Variants in DYM observed in about 807,000 individuals in gnomAD.
The protein encoded by DYM is dyggve-Melchior-Clausen syndrome protein.
In DYM, 78 loss-of-function variants were observed where a neutral mutation model predicts 93.1. That is an observed-to-expected ratio of 0.84 (90% confidence interval 0.70 to 1.01). DYM has a LOEUF of 1.01. Ranked by LOEUF, DYM falls within the 50% of genes least tolerant of loss-of-function variation. DYM has a pLI of 0.00. For missense variants in DYM, 789 were observed against 845.0 expected, an observed-to-expected ratio of 0.93 and a Z score of 0.82; for synonymous variants, 321 against 319.7, an observed-to-expected ratio of 1.00 and a Z score of -0.04.
chr18:49,286,162 C>G (rs2059649961), intron 9 of DYM, among the ~76,000 whole-genome samples: 1 of 152,074 alleles, frequency 6.6e-6, no homozygotes, highest in South Asian at 2.1e-4. Context: ...ATTCCTATCC[C>G]TAACAGGTAG....
intron 17 of DYM, among the ~76,000 whole-genome samples, chr18:49,070,548 T>G (rs1254502895): frequency 6.6e-6 from 1 of 152,220 alleles, no homozygotes; most frequent in Non-Finnish European, 1.5e-5. Flanking sequence ...AGTCTTCTTT[T>G]GCCTCCCAAG....
At chr18:49,444,204 G>A (rs1054142346) in intron 1 of DYM, among the ~76,000 whole-genome samples, 1 of 152,186 alleles carries the variant, frequency 6.6e-6, no homozygotes, top group Non-Finnish European at 1.5e-5. Flanking sequence ...GAACCGTAAT[G>A]TCACAGGTAA....
At chr18:49,059,672 G>C (rs1337095391) in intron 17 of DYM, among the ~76,000 whole-genome samples, 2 of 152,120 alleles carry the variant, frequency 1.3e-5, no homozygotes, top group Admixed American at 1.3e-4. Flanking sequence ...GTATGAGGGA[G>C]GGGGCTGTGC....
At chr18:49,263,765 T>C (rs1021305441) in intron 11 of DYM, among the ~76,000 whole-genome samples, 3 of 152,094 alleles carry the variant, frequency 2.0e-5, no homozygotes, top group Admixed American at 6.5e-5. Context: ...TTAACTGTGT[T>C]AACACACTAA....
At position 49,170,683 on chromosome 18, in the gene DYM, G is replaced by A. The variant is rs371135539; in HGVS notation, c.1626-6896C>T. ...TAATCCCAGCTACTCAGGAGGCTGA[G>A]GCAGGAGAATTCTTGAACCTGGGAG... On this transcript the variant is annotated intron_variant, in intron 14 of 17. Transcript: ENST00000675505. Among the ~76,000 whole-genome samples, 22 of 150,330 alleles carry A rather than the reference G, an allele frequency of 1.5e-4. No individual in the cohort carries two copies. The South Asian group carries it at 4.4e-3, about 30-fold the overall frequency.
chr18:49,442,676 C>T (rs2081749306), intron 1 of DYM, among the ~76,000 whole-genome samples: 1 of 150,192 alleles, frequency 6.7e-6, no homozygotes, highest in South Asian at 2.1e-4. Context: ...ACAATAATAC[C>T]AAACATGTAT....
chr18:49,277,557 T>G (rs1333741911), intron 10 of DYM, among the ~76,000 whole-genome samples: 1 of 152,058 alleles, frequency 6.6e-6, no homozygotes, highest in Non-Finnish European at 1.5e-5. Context: ...GGGAGGAGAT[T>G]AGGTAACAGG....
At chr18:49,162,300 T>C (rs2087249397) in intron 15 of DYM, among the ~76,000 whole-genome samples, 1 of 152,156 alleles carries the variant, frequency 6.6e-6, no homozygotes, top group East Asian at 1.9e-4. Flanking sequence ...AAGGAATTTA[T>C]ACAGTTATGG....
intron 16 of DYM, chr18:49,114,535 C>G (rs1227009119): frequency 4.1e-6 from 4 of 984,480 alleles, no homozygotes; most frequent in Admixed American, 1.2e-4. Context: ...TTCCTCACCT[C>G]CACTCTGCTT....
intron 2 of DYM, among the ~76,000 whole-genome samples, chr18:49,392,736 C>G (rs989523413): frequency 1.4e-5 from 2 of 141,700 alleles, no homozygotes; most frequent in African/African-American, 5.2e-5. Flanking sequence ...GGGCTCACAC[C>G]TGTAATCCCA....
At chr18:49,297,792 T>TA (rs2060651636) in intron 8 of DYM, among the ~76,000 whole-genome samples, 1 of 151,988 alleles carries the variant, frequency 6.6e-6, no homozygotes, top group Non-Finnish European at 1.5e-5. Flanking sequence ...CAATGTTTCC[T>TA]AAAACAAACA....
intron 8 of DYM, among the ~76,000 whole-genome samples, chr18:49,317,551 T>TTGTCTCTCTCTCTCTCTCTCTCTCTC: frequency 3.4e-5 from 1 of 29,370 alleles, no homozygotes; most frequent in Admixed American, 5.4e-4. Flanking sequence ...CCATCTAGAT[T>TTGTCTCTCTCTCTCTCTCTCTCTCTC]TCTCTCTCTC....
chr18:49,097,780 T>C (rs1269225172), intron 16 of DYM, among the ~76,000 whole-genome samples: 2 of 152,076 alleles, frequency 1.3e-5, no homozygotes, highest in Non-Finnish European at 2.9e-5. Flanking sequence ...CTGCCTGACC[T>C]TGCATTTATA....
At chr18:49,404,129 T>C (rs2071178294) in intron 2 of DYM, among the ~76,000 whole-genome samples, 1 of 152,114 alleles carries the variant, frequency 6.6e-6, no homozygotes, top group Non-Finnish European at 1.5e-5. Flanking sequence ...TGCCTCAGCC[T>C]CCTGAGTAGC....
chr18:49,251,108 C>T (rs1411945423), intron 13 of DYM, among the ~76,000 whole-genome samples: 2 of 152,162 alleles, frequency 1.3e-5, no homozygotes, highest in South Asian at 4.1e-4. Flanking sequence ...GTCAAATGTC[C>T]CCTGGGGGGC....
chr18:49,254,325 T>C (rs112751501), intron 13 of DYM, among the ~76,000 whole-genome samples: 4,032 of 138,298 alleles, frequency 0.029, 217 homozygotes, highest in East Asian at 0.11. Flanking sequence ...TATATATATA[T>C]ACACACATAG....
chr18:49,272,088 A>T, intron 11 of DYM, 90 bp downstream of exon 11: 1 of 1,192,832 alleles, frequency 8.4e-7, no homozygotes, highest in Non-Finnish European at 1.2e-6. Context: ...AGGAACATCT[A>T]CCAGAAAGAA....
At chr18:49,161,035 A>G (rs113135975) in intron 15 of DYM, among the ~76,000 whole-genome samples, 42 of 152,034 alleles carry the variant, frequency 2.8e-4, no homozygotes, top group African/African-American at 8.7e-4. Context: ...AAGTTCATAA[A>G]CCCATTTGGA....
chr18:49,162,677 A>C (rs571396834), intron 15 of DYM, among the ~76,000 whole-genome samples: 1 of 152,340 alleles, frequency 6.6e-6, no homozygotes, highest in South Asian at 2.1e-4. Flanking sequence ...GGATGGAACA[A>C]AGGCCACATG....
Sources: allele counts gnomAD v4.1 joint callset (sites outside exome capture counted in the v4.1 genomes callset), GRCh38; gene constraint gnomAD v4.1.1; transcripts MANE v1.5; gene names NCBI Gene and HGNC (gene_info 2026-07-23, HGNC 2026-07-21).